The following SNTG1 variants were observed in gnomAD, a reference collection of about 807,000 sequenced individuals.
SNTG1 encodes the protein gamma-1-syntrophin.
In SNTG1, 39 loss-of-function variants were observed where a neutral mutation model predicts 74.7. That is an observed-to-expected ratio of 0.52 (90% CI 0.40 to 0.68). The LOEUF (loss-of-function observed/expected upper bound fraction) is 0.68, where lower values mean the gene tolerates loss of function less well. SNTG1 is among the 30% of genes least tolerant of loss of function. The pLI is 0.00. For missense variants in SNTG1, 685 were observed against 609.5 expected, an observed-to-expected ratio of 1.12 and a Z score of -1.30; for synonymous variants, 254 against 217.1, an observed-to-expected ratio of 1.17 and a Z score of -1.49.
At chr8:50,508,962 T>C (rs1429332110) in intron 9 of SNTG1, among the ~76,000 whole-genome samples, 1 of 152,232 alleles carries the variant, frequency 6.6e-6, no homozygotes, top group African/African-American at 2.4e-5. Context: ...TTGTTGCCAT[T>C]GCTTTTGGTG....
intron 1 of SNTG1, among the ~76,000 whole-genome samples, chr8:49,990,297 A>C (rs1356944785): frequency 2.0e-5 from 3 of 152,066 alleles, no homozygotes; most frequent in African/African-American, 7.2e-5. Flanking sequence ...CAACACCAAC[A>C]AAAGGAATGT....
chr8:50,265,436 A>G (rs957164059), intron 2 of SNTG1, among the ~76,000 whole-genome samples: 1 of 152,126 alleles, frequency 6.6e-6, no homozygotes, highest in African/African-American at 2.4e-5. Flanking sequence ...TTTATAGTGC[A>G]TACACTCAGG....
chr8:50,428,548 C>T (rs2093193199), intron 4 of SNTG1, among the ~76,000 whole-genome samples: 1 of 152,168 alleles, frequency 6.6e-6, no homozygotes, highest in Non-Finnish European at 1.5e-5. Flanking sequence ...AAATAGTCTG[C>T]ATTATCTAAT....
At chr8:50,778,338 A>G (rs1293610949) in intron 18 of SNTG1, among the ~76,000 whole-genome samples, 2 of 152,140 alleles carry the variant, frequency 1.3e-5, no homozygotes, top group Non-Finnish European at 1.5e-5. Flanking sequence ...AAGTGTTCCT[A>G]TTCCTCCACA....
chr8:50,699,511 G>A (rs1022969462), intron 15 of SNTG1, among the ~76,000 whole-genome samples: 7 of 150,242 alleles, frequency 4.7e-5, no homozygotes, highest in African/African-American at 1.7e-4. Context: ...CAGCCATCTT[G>A]AAAAAAAAAC....
intron 2 of SNTG1, among the ~76,000 whole-genome samples, chr8:50,258,415 G>A (rs2086987498): frequency 6.6e-6 from 1 of 152,218 alleles, no homozygotes; most frequent in East Asian, 1.9e-4. Context: ...AGACAAGAAG[G>A]TGTCATCCAT....
At chr8:50,592,990 A>G (rs767203831) in intron 13 of SNTG1, among the ~76,000 whole-genome samples, 2 of 152,218 alleles carry the variant, frequency 1.3e-5, no homozygotes, top group Non-Finnish European at 2.9e-5. Flanking sequence ...TGACTAGAGT[A>G]CATTTCCTAT....
intron 13 of SNTG1, among the ~76,000 whole-genome samples, chr8:50,614,886 A>G (rs1364740712): frequency 1.3e-5 from 2 of 152,036 alleles, no homozygotes. Context: ...AATTATTTTA[A>G]ACATTTCTGA....
chr8:50,022,691 GT>G (rs1269544340), intron 1 of SNTG1, among the ~76,000 whole-genome samples: 4 of 152,200 alleles, frequency 2.6e-5, no homozygotes, highest in Non-Finnish European at 5.9e-5. Flanking sequence ...ACTGCTTACT[GT>G]CTGTGTTTTC....
chr8:50,366,896 A>G (rs1466893054), intron 2 of SNTG1, among the ~76,000 whole-genome samples: 1 of 146,112 alleles, frequency 6.8e-6, no homozygotes, highest in Non-Finnish European at 1.5e-5. Context: ...GTTCTTAAAT[A>G]ATACTATATA....
chr8:49,983,606 TA>T, intron 1 of SNTG1, among the ~76,000 whole-genome samples: 1 of 152,268 alleles, frequency 6.6e-6, no homozygotes, highest in South Asian at 2.1e-4. Flanking sequence ...AAACACCCAA[TA>T]ATTCACTGCT....
intron 15 of SNTG1, among the ~76,000 whole-genome samples, chr8:50,690,970 T>A (rs4873154): frequency 0.2 from 31,004 of 152,160 alleles, 3,265 homozygotes; most frequent in South Asian, 0.31. Context: ...AGTTAGCTCT[T>A]CTTGTTGAAT....
intron 2 of SNTG1, among the ~76,000 whole-genome samples, chr8:50,354,373 G>T (rs1042473003): frequency 6.6e-6 from 1 of 152,114 alleles, no homozygotes; most frequent in Non-Finnish European, 1.5e-5. Flanking sequence ...ATCACATAGA[G>T]TTGGAAATAC....
chr8:50,728,353 G>A (rs756063993), intron 17 of SNTG1, among the ~76,000 whole-genome samples: 8 of 152,182 alleles, frequency 5.3e-5, no homozygotes, highest in East Asian at 1.9e-4. Flanking sequence ...CACCTCTTTT[G>A]TTGTACAATG....
rs574981995 is a variant in SNTG1, at chr8:50,494,157, A to G, written c.364-8621A>G. On this transcript the variant is annotated intron_variant, in intron 8 of 18. Coordinates refer to ENST00000642720, the MANE Select transcript of SNTG1 (RefSeq NM_018967.5). ...CACACACACATATATATATACACAT[A>G]TATATATGTACACACACACATACAA... 2.3e-4 allele frequency among the ~76,000 whole-genome samples: 35 copies of G among 151,090 alleles called. No individual in the cohort carries two copies. The South Asian group carries it at 7.3e-3, about 31-fold the overall frequency.
chr8:50,299,289 A>C (rs2089535485), intron 2 of SNTG1, among the ~76,000 whole-genome samples: 1 of 152,110 alleles, frequency 6.6e-6, no homozygotes, highest in African/African-American at 2.4e-5. Flanking sequence ...TCTTGGACTC[A>C]AAATACCCTC....
At chr8:50,516,314 T>C (rs902178617) in intron 9 of SNTG1, among the ~76,000 whole-genome samples, 2 of 152,036 alleles carry the variant, frequency 1.3e-5, no homozygotes, top group Middle Eastern at 3.2e-3. Flanking sequence ...ACACCAAAAA[T>C]AGATAAGTCC....
chr8:50,488,142 AG>A (rs1435050280), intron 8 of SNTG1, among the ~76,000 whole-genome samples: 1 of 152,144 alleles, frequency 6.6e-6, no homozygotes, highest in African/African-American at 2.4e-5. Context: ...GGTGCTGTGC[AG>A]CTGGGCTCTA....
chr8:50,181,906 T>C (rs539652042), intron 2 of SNTG1, among the ~76,000 whole-genome samples: 116 of 152,288 alleles, frequency 7.6e-4, no homozygotes, highest in African/African-American at 2.7e-3. Flanking sequence ...AAATCAATAG[T>C]GCAAGAAGGG....
Sources: gnomAD v4.1 joint callset for allele counts (sites outside exome capture counted in the v4.1 genomes callset) on GRCh38, gnomAD v4.1.1 for gene constraint, MANE v1.5 for transcripts, NCBI Gene and HGNC (gene_info 2026-07-23, HGNC 2026-07-21) for gene names.